NTNG1: variants seen among roughly 807,000 people sequenced by gnomAD.
NTNG1 encodes the protein netrin G1.
NTNG1 carries 16 observed loss-of-function variants against 54.0 expected under a neutral mutation model. That is an observed-to-expected ratio of 0.30 (90% CI 0.20 to 0.45). The LOEUF (loss-of-function observed/expected upper bound fraction) is 0.45. NTNG1 is among the 20% of genes least tolerant of loss of function. The pLI is 1.00. For synonymous variants in NTNG1, 255 were observed against 263.1 expected (o/e 0.97, Z 0.30); for missense variants, 530 against 678.7 (o/e 0.78, Z 2.43).
intron 2 of NTNG1, among the ~76,000 whole-genome samples, chr1:107,177,745 C>G (rs944336129): frequency 5.9e-5 from 9 of 152,332 alleles, no homozygotes; most frequent in Admixed American, 4.6e-4. Context: ...AACATTGTCT[C>G]TCTGTTTTCA....
chr1:107,424,694 G>A (rs1674785063), intron 5 of NTNG1, among the ~76,000 whole-genome samples: 2 of 152,072 alleles, frequency 1.3e-5, no homozygotes, highest in African/African-American at 4.8e-5. Context: ...AGTTTAGGAA[G>A]GCAACCCAAG....
chr1:107,296,326 C>T (rs1310385525), intron 2 of NTNG1, among the ~76,000 whole-genome samples: 1 of 152,090 alleles, frequency 6.6e-6, no homozygotes, highest in African/African-American at 2.4e-5. Flanking sequence ...CAACATCTTA[C>T]TCAGGACCTA....
chr1:107,163,876 C>T (rs1300930139), intron 2 of NTNG1, among the ~76,000 whole-genome samples: 1 of 152,118 alleles, frequency 6.6e-6, no homozygotes, highest in Non-Finnish European at 1.5e-5. Flanking sequence ...CTCATAAAGG[C>T]ATAGCAAGTG....
chr1:107,472,169 G>A (rs1206859506), intron 7 of NTNG1, among the ~76,000 whole-genome samples: 1 of 152,010 alleles, frequency 6.6e-6, no homozygotes, highest in Non-Finnish European at 1.5e-5. Context: ...GCGTATGAGG[G>A]AAAAAACTAT....
intron 2 of NTNG1, among the ~76,000 whole-genome samples, chr1:107,190,605 T>C (rs1657833375): frequency 6.6e-6 from 1 of 152,006 alleles, no homozygotes; most frequent in African/African-American, 2.4e-5. Flanking sequence ...GGCCCCGGTG[T>C]GTGATGTTCC....
intron 4 of NTNG1, among the ~76,000 whole-genome samples, chr1:107,396,818 C>T (rs1672714203): frequency 1.3e-5 from 2 of 152,164 alleles, no homozygotes; most frequent in Non-Finnish European, 1.5e-5. Flanking sequence ...CAAACACTTC[C>T]TGGCATTCTG....
chr1:107,341,918 T>A (rs7531573), intron 3 of NTNG1, among the ~76,000 whole-genome samples: 42,194 of 151,806 alleles, frequency 0.28, 6,119 homozygotes, highest in Middle Eastern at 0.41. Flanking sequence ...TTTAGAGGTG[T>A]ATCTATGAGT....
rs1657511538 is a variant in NTNG1, at chr1:107,187,038, C to T, written c.246+38199C>T. On this transcript the variant is annotated intron_variant, in intron 2 of 7. Transcript: ENST00000370068. ...GAAGCACAGAGTTTAGAATTACACA[C>T]TGGGCTTTCTGGCTCCAAAGGCTGC... 2.0e-5 allele frequency among the ~76,000 whole-genome samples: 3 copies of T among 152,138 alleles called. No individual in the cohort carries two copies. The South Asian group carries it at 6.2e-4, about 32-fold the overall frequency.
intron 2 of NTNG1, among the ~76,000 whole-genome samples, chr1:107,217,759 A>C (rs983449703): frequency 3.9e-5 from 6 of 152,082 alleles, no homozygotes; most frequent in Non-Finnish European, 5.9e-5. Flanking sequence ...CATGGTTTTG[A>C]GGGTTCCTTT....
chr1:107,140,107 G>T (rs1196474589), upstream of NTNG1: 4 of 154,652 alleles, frequency 2.6e-5, no homozygotes, highest in Non-Finnish European at 2.9e-5. Context: ...CCCCGAGGTC[G>T]TGGAGCGGCA....
chr1:107,264,640 GAAA>G (rs1663608600), intron 2 of NTNG1, among the ~76,000 whole-genome samples: 1 of 152,232 alleles, frequency 6.6e-6, no homozygotes, highest in African/African-American at 2.4e-5. Context: ...TTTTTAAAAT[GAAA>G]ATCATTTTGC....
At chr1:107,432,889 T>G (rs1675358593) in intron 6 of NTNG1, among the ~76,000 whole-genome samples, 7 of 152,280 alleles carry the variant, frequency 4.6e-5, no homozygotes. Context: ...TTTCCAGTTC[T>G]GAAGTAAACT....
intron 2 of NTNG1, among the ~76,000 whole-genome samples, chr1:107,312,278 TC>T (rs1156784480): frequency 2.0e-5 from 3 of 152,128 alleles, no homozygotes; most frequent in Admixed American, 6.6e-5. Flanking sequence ...ATAAGATGAC[TC>T]CAACCTTTCC....
chr1:107,473,339 G>A (rs941935368), intron 7 of NTNG1, among the ~76,000 whole-genome samples: 9 of 152,180 alleles, frequency 5.9e-5, no homozygotes, highest in Admixed American at 5.2e-4. Context: ...TTTGGTAGTG[G>A]AATGGATCAT....
At chr1:107,258,580 T>TA (rs1300406813) in intron 2 of NTNG1, among the ~76,000 whole-genome samples, 1 of 152,256 alleles carries the variant, frequency 6.6e-6, no homozygotes, top group Non-Finnish European at 1.5e-5. Context: ...CCTCACAAGA[T>TA]ACCTGTTTTA....
intron 2 of NTNG1, among the ~76,000 whole-genome samples, chr1:107,219,033 C>T (rs1660160764): frequency 1.3e-5 from 2 of 152,050 alleles, no homozygotes; most frequent in African/African-American, 4.8e-5. Flanking sequence ...TTATCTTCTT[C>T]CTCAGGAACA....
At chr1:107,149,326 G>A (rs556481221) in intron 2 of NTNG1, among the ~76,000 whole-genome samples, 16 of 152,248 alleles carry the variant, frequency 1.1e-4, no homozygotes, top group African/African-American at 3.8e-4. Context: ...GCTATGATTT[G>A]GGAGTCCTTG....
At chr1:107,201,767 T>C (rs1458919070) in intron 2 of NTNG1, among the ~76,000 whole-genome samples, 1 of 151,928 alleles carries the variant, frequency 6.6e-6, no homozygotes, top group Non-Finnish European at 1.5e-5. Flanking sequence ...CAATTGTAGT[T>C]ATTCACACAC....
chr1:107,246,951 A>G (rs977629355), intron 2 of NTNG1, among the ~76,000 whole-genome samples: 1 of 132,106 alleles, frequency 7.6e-6, no homozygotes, highest in African/African-American at 2.5e-5. Flanking sequence ...CTATAAAGAC[A>G]TGTCACATTA....
Sources: gnomAD v4.1 joint callset for allele counts (sites outside exome capture counted in the v4.1 genomes callset) on GRCh38, gnomAD v4.1.1 for gene constraint, MANE v1.5 for transcripts, NCBI Gene and HGNC (gene_info 2026-07-23, HGNC 2026-07-21) for gene names.